The following CACNB2 variants were observed in gnomAD, a reference collection of about 807,000 sequenced individuals.
CACNB2 encodes voltage-dependent L-type calcium channel subunit beta-2.
In CACNB2, 42 loss-of-function variants were observed where a neutral mutation model predicts 73.3. The observed-to-expected ratio is 0.57, with a 90% CI of 0.45 to 0.74. The LOEUF (loss-of-function observed/expected upper bound fraction) is 0.74, where lower values mean the gene tolerates loss of function less well. Among genes scored for constraint, CACNB2 ranks in the 30% least tolerant of loss-of-function variants. The pLI is 0.00. For missense variants in CACNB2, 940 were observed against 853.0 expected (o/e 1.10, Z -1.27); for synonymous variants, 348 against 310.3 (o/e 1.12, Z -1.28).
intron 3 of CACNB2, among the ~76,000 whole-genome samples, chr10:18,469,980 A>C (rs1161322326): frequency 1.3e-5 from 2 of 152,176 alleles, no homozygotes; most frequent in Non-Finnish European, 2.9e-5. Flanking sequence ...CAACAAAAAC[A>C]GAGATTAATT....
intron 3 of CACNB2, among the ~76,000 whole-genome samples, chr10:18,481,943 G>A (rs970390243): frequency 1.3e-5 from 2 of 152,182 alleles, no homozygotes; most frequent in African/African-American, 4.8e-5. Context: ...GGGCTGGAGT[G>A]CAATGGCGCG....
At chr10:18,469,051 C>A (rs1286416617) in intron 3 of CACNB2, among the ~76,000 whole-genome samples, 2 of 152,150 alleles carry the variant, frequency 1.3e-5, no homozygotes, top group Non-Finnish European at 2.9e-5. Flanking sequence ...AGTGCAAAAG[C>A]AGCCTGGGCA....
chr10:18,285,390 C>T (rs748697034), intron 2 of CACNB2, among the ~76,000 whole-genome samples: 9 of 152,182 alleles, frequency 5.9e-5, no homozygotes, highest in South Asian at 2.1e-4. Flanking sequence ...CTATACACAG[C>T]GGTCACATGT....
At position 18,375,300 on chromosome 10, in the gene CACNB2, C is replaced by T. The variant is rs190454796; in HGVS notation, c.214-26624C>T. Among the ~76,000 whole-genome samples, 11 of 152,192 alleles carry T rather than the reference C, an allele frequency of 7.2e-5. No individual in the cohort carries two copies. In the East Asian group the frequency reaches 2.1e-3, roughly 29 times the overall value. ...ATGACTTCTCCCTCCCAATCCTGCA[C>T]CAATGCCATAGGGAAAAAGATACAT... On this transcript the variant is annotated intron_variant, in intron 2 of 13. Coordinates refer to ENST00000324631, the MANE Select transcript of CACNB2 (RefSeq NM_201596.3).
intron 2 of CACNB2, among the ~76,000 whole-genome samples, chr10:18,380,982 TCCTC>T (rs2042992483): frequency 6.6e-6 from 1 of 151,916 alleles, no homozygotes; most frequent in Non-Finnish European, 1.5e-5. Context: ...GTAATGCCCT[TCCTC>T]TGTGGTGGGC....
At chr10:18,257,194 A>G (rs2037320750) in intron 2 of CACNB2, 1 of 152,178 alleles carries the variant, frequency 6.6e-6, no homozygotes, top group Non-Finnish European at 1.5e-5. Context: ...GTGACACATG[A>G]CTTGGGTATT....
chr10:18,488,009 A>T (rs913591768), intron 3 of CACNB2, among the ~76,000 whole-genome samples: 1 of 150,714 alleles, frequency 6.6e-6, no homozygotes, highest in East Asian at 2.1e-4. Flanking sequence ...GGGTTTCACC[A>T]TGTTGCACTG....
chr10:18,501,161 T>C (rs1421091808), intron 5 of CACNB2, among the ~76,000 whole-genome samples: 1 of 152,228 alleles, frequency 6.6e-6, no homozygotes, highest in East Asian at 1.9e-4. Context: ...TGTCAAATTA[T>C]TATCATTAAT....
chr10:18,531,981 CT>C (rs1434815450), intron 10 of CACNB2: 1 of 152,190 alleles, frequency 6.6e-6, no homozygotes, highest in Non-Finnish European at 1.5e-5. Context: ...ATCAAATTGA[CT>C]TTCAGTTTCA....
intron 2 of CACNB2, among the ~76,000 whole-genome samples, chr10:18,331,472 A>AAT (rs2040803793): frequency 6.6e-6 from 1 of 150,976 alleles, no homozygotes; most frequent in Non-Finnish European, 1.5e-5. Context: ...AAAAAAAAAA[A>AAT]GGATGGGGGG....
intron 3 of CACNB2, among the ~76,000 whole-genome samples, chr10:18,442,938 A>ACG (rs1564553249): frequency 4.6e-5 from 2 of 43,658 alleles, no homozygotes; most frequent in Admixed American, 1.8e-4. Context: ...ATATATATAT[A>ACG]TATGTGTATA....
chr10:18,404,165 G>A (rs2044160110), intron 3 of CACNB2, among the ~76,000 whole-genome samples: 1 of 151,794 alleles, frequency 6.6e-6, no homozygotes, highest in South Asian at 2.1e-4. Context: ...TTTAAAATTA[G>A]GTCAATATTT....
At chr10:18,215,296 G>A (rs2035469635) in intron 2 of CACNB2, among the ~76,000 whole-genome samples, 1 of 152,070 alleles carries the variant, frequency 6.6e-6, no homozygotes, top group Non-Finnish European at 1.5e-5. Context: ...CTAAGTGAGG[G>A]GGCCTGGTTT....
intron 3 of CACNB2, among the ~76,000 whole-genome samples, chr10:18,429,663 C>A (rs1335109034): frequency 1.1e-5 from 1 of 94,558 alleles, no homozygotes; most frequent in Non-Finnish European, 2.1e-5. Flanking sequence ...TCCGTCTCTA[C>A]CAAAAAAAAA....
rs2030278219 is a variant in CACNB2 at position 18,140,622 on chromosome 10, G to C, written c.-115G>C. ...GCGGGGCGCTGCGCCGAGAACGGCC[G>C]GGCCTGAGCCCTGGGCGGCCCCCAG... is the stretch of plus-strand genomic sequence containing the variant. On this transcript the variant is annotated 5_prime_UTR_variant, in exon 1 of 14. Coordinates refer to ENST00000324631, the MANE Select transcript of CACNB2 (RefSeq NM_201596.3). 5 of 832,504 alleles carry C rather than the reference G, an allele frequency of 6.0e-6. No homozygotes were observed. The highest frequency in any genetic ancestry group is 9.1e-6 in the Non-Finnish European group (5 of 551,542). The allele number at this position is 832,504 out of a possible 1,614,324, so 51.6% of individuals were successfully genotyped here. A position where few individuals can be genotyped will look rare whatever the true frequency, so the allele number is the denominator to read the frequency against.
chr10:18,304,273 C>T (rs984885083), intron 2 of CACNB2, among the ~76,000 whole-genome samples: 10 of 152,020 alleles, frequency 6.6e-5, no homozygotes, highest in African/African-American at 1.4e-4. Context: ...TGTTTTCATA[C>T]GTAGAATTGC....
At chr10:18,344,126 A>AGG (rs1358574328) in intron 2 of CACNB2, among the ~76,000 whole-genome samples, 97 of 152,156 alleles carry the variant, frequency 6.4e-4, no homozygotes, top group African/African-American at 2.2e-3. Context: ...GTTATAAGAC[A>AGG]AATAATGATC....
At chr10:18,375,365 G>T (rs2042754426) in intron 2 of CACNB2, among the ~76,000 whole-genome samples, 1 of 152,124 alleles carries the variant, frequency 6.6e-6, no homozygotes, top group African/African-American at 2.4e-5. Flanking sequence ...ATGTGCTAAT[G>T]GGGATGAAGT....
At chr10:18,368,668 T>C (rs1308492849) in intron 2 of CACNB2, among the ~76,000 whole-genome samples, 1 of 152,176 alleles carries the variant, frequency 6.6e-6, no homozygotes, top group Non-Finnish European at 1.5e-5. Context: ...CAGAAATTAT[T>C]TCCTAGAATG....
Sources: allele counts gnomAD v4.1 joint callset (sites outside exome capture counted in the v4.1 genomes callset), GRCh38; gene constraint gnomAD v4.1.1; transcripts MANE v1.5; gene names NCBI Gene and HGNC (gene_info 2026-07-23, HGNC 2026-07-21).